Variants in RERE observed in about 807,000 individuals in gnomAD.
RERE encodes the protein arginine-glutamic acid dipeptide repeats protein.
In RERE, 40 loss-of-function variants were observed where a neutral mutation model predicts 146.1. The observed-to-expected ratio is 0.27, with a 90% confidence interval of 0.21 to 0.36. RERE has a LOEUF of 0.36. RERE is among the 10% of genes least tolerant of loss of function. The pLI is 1.00. For missense variants in RERE, 1,933 were observed against 2,138.7 expected (o/e 0.90, Z 1.90); for synonymous variants, 1,003 against 866.0 (o/e 1.16, Z -2.78).
intron 2 of RERE, among the ~76,000 whole-genome samples, chr1:8,642,494 A>C (rs1647193457): frequency 6.6e-6 from 1 of 152,238 alleles, no homozygotes; most frequent in Non-Finnish European, 1.5e-5. Context: ...TTAACTTATA[A>C]GAAGAGTTAA....
intron 1 of RERE, among the ~76,000 whole-genome samples, chr1:8,663,786 C>A (rs1570581408): frequency 1.3e-5 from 2 of 152,282 alleles, no homozygotes; most frequent in African/African-American, 4.8e-5. Flanking sequence ...CCTCACCTCT[C>A]CCCTACTGCT....
At chr1:8,687,032 T>C (rs1017322158) in intron 1 of RERE, among the ~76,000 whole-genome samples, 1 of 152,192 alleles carries the variant, frequency 6.6e-6, no homozygotes, top group Non-Finnish European at 1.5e-5. Context: ...CAGAAAACTC[T>C]TGTTGAGAAG....
intron 8 of RERE, among the ~76,000 whole-genome samples, chr1:8,500,382 A>T (rs1275413318): frequency 1.3e-5 from 2 of 152,260 alleles, no homozygotes; most frequent in Non-Finnish European, 2.9e-5. Flanking sequence ...CTTAATCATA[A>T]GAATTGATGA....
At chr1:8,613,284 A>G (rs760593155) in intron 4 of RERE, among the ~76,000 whole-genome samples, 5 of 152,202 alleles carry the variant, frequency 3.3e-5, no homozygotes, top group Non-Finnish European at 7.3e-5. Flanking sequence ...AAGATCCTCT[A>G]TAATCTAGCC....
chr1:8,763,390 C>T (rs947604116), intron 1 of RERE, among the ~76,000 whole-genome samples: 6 of 151,974 alleles, frequency 3.9e-5, no homozygotes, highest in East Asian at 3.9e-4. Context: ...CCCAGCACTT[C>T]GGGAGACTGA....
intron 1 of RERE, among the ~76,000 whole-genome samples, chr1:8,791,900 G>C (rs1641370909): frequency 6.6e-6 from 1 of 152,126 alleles, no homozygotes; most frequent in South Asian, 2.1e-4. Context: ...TCATCTCCCA[G>C]AATTTATCAT....
intron 12 of RERE, among the ~76,000 whole-genome samples, chr1:8,370,376 G>C (rs1641991464): frequency 6.6e-6 from 1 of 152,124 alleles, no homozygotes; most frequent in African/African-American, 2.4e-5. Context: ...AGCACTCCAG[G>C]GTGATGAAAA....
intron 12 of RERE, among the ~76,000 whole-genome samples, chr1:8,392,646 T>C (rs1237346253): frequency 6.6e-6 from 1 of 152,146 alleles, no homozygotes; most frequent in East Asian, 1.9e-4. Context: ...TAACTCACAC[T>C]AGCAGTAGAG....
chr1:8,810,289 C>T (rs372484273), intron 1 of RERE, among the ~76,000 whole-genome samples: 2 of 152,146 alleles, frequency 1.3e-5, no homozygotes, highest in African/African-American at 2.4e-5. Context: ...CATGAGCCAC[C>T]GCGCCTGGCC....
chr1:8,803,260 G>T (rs766931555), intron 1 of RERE, among the ~76,000 whole-genome samples: 1 of 152,006 alleles, frequency 6.6e-6, no homozygotes, highest in Non-Finnish European at 1.5e-5. Context: ...GGAGGATCAC[G>T]AGATCAAGAC....
At chr1:8,647,164 GTTGT>G (rs1231627963) in intron 2 of RERE, among the ~76,000 whole-genome samples, 1 of 152,144 alleles carries the variant, frequency 6.6e-6, no homozygotes, top group Non-Finnish European at 1.5e-5. Context: ...ACATACCTCT[GTTGT>G]TTAAGCCACT....
chr1:8,360,642 T>C lies in RERE; in HGVS notation c.2865A>G (p.Ser955=), dbSNP rs1570035434. ...GCAGGTTGGCATTCATGGAGAAGGGTGAGGGCCCCGAGAGGTGGGGAGGGT... is the reference window on the plus strand; with the variant it reads ...GCAGGTTGGCATTCATGGAGAAGGGCGAGGGCCCCGAGAGGTGGGGAGGGT... The part of the protein sequence containing the change: ...HKHPPHLSGP[S]PFSMNANLPP... The change falls in exon 18 of 23, where the codon TCA becomes TCG. Residue 955 remains serine, a synonymous_variant. Coordinates refer to ENST00000400908, the MANE Select transcript of RERE (RefSeq NM_001042681.2). The C allele has an allele frequency of 6.8e-7, 1 of 1,473,306 alleles. No homozygotes were observed. Among genetic ancestry groups the C allele is most frequent in the Non-Finnish European group, 8.9e-7 (1 of 1,117,408 alleles). The allele number at this position is 1,473,306 out of a possible 1,614,324, so 91.3% of individuals were successfully genotyped here.
intron 1 of RERE, among the ~76,000 whole-genome samples, chr1:8,744,674 AAC>A (rs1472616747): frequency 6.6e-6 from 1 of 152,232 alleles, no homozygotes; most frequent in Non-Finnish European, 1.5e-5. Context: ...AAAATAAGAA[AAC>A]ACAGAAATAG....
At chr1:8,400,222 A>ATGTGTGTGTG (rs1553161719) in intron 12 of RERE, among the ~76,000 whole-genome samples, 8 of 140,052 alleles carry the variant, frequency 5.7e-5, no homozygotes, top group Non-Finnish European at 9.3e-5. Flanking sequence ...CCTGTGTCAT[A>ATGTGTGTGTG]TGTGTGTGTG....
At chr1:8,688,842 T>C (rs760813575) in intron 1 of RERE, among the ~76,000 whole-genome samples, 3 of 152,350 alleles carry the variant, frequency 2.0e-5, no homozygotes, top group Non-Finnish European at 2.9e-5. Context: ...TGAGCATGTG[T>C]AACATCGGCT....
chr1:8,401,839 T>C (rs1405155458), intron 12 of RERE, among the ~76,000 whole-genome samples: 2 of 151,928 alleles, frequency 1.3e-5, no homozygotes, highest in African/African-American at 4.8e-5. Flanking sequence ...TACAACACAG[T>C]GTAAGTGATG....
chr1:8,437,165 G>A (rs1034340854), intron 11 of RERE, among the ~76,000 whole-genome samples: 72 of 152,218 alleles, frequency 4.7e-4, no homozygotes, highest in African/African-American at 1.5e-3. Flanking sequence ...CCCAAACAAG[G>A]GAAACTGAAG....
Position 8,495,123 on chromosome 1 carries a change from A to G in RERE, c.1044T>C (p.Ser348=). ...AAFAGMCDGG[S]TEDGCVAASR... ...AGGCTGCGACACAGCCGTCCTCTGT[A>G]GAGCCTCCATCACACATTCCTGCAA... Residue 348 remains serine, a synonymous_variant, in exon 10 of 23, where the codon TCT becomes TCC. Transcript: ENST00000400908. 2 of 1,613,940 alleles carry G rather than the reference A, an allele frequency of 1.2e-6. No individual in the cohort carries two copies. The highest frequency in any genetic ancestry group is 1.7e-6 in the Non-Finnish European group (2 of 1,179,828).
chr1:8,449,069 T>C (rs781653890), intron 11 of RERE, among the ~76,000 whole-genome samples: 6 of 152,130 alleles, frequency 3.9e-5, no homozygotes, highest in Non-Finnish European at 8.8e-5. Flanking sequence ...CCCAGGCTGG[T>C]GGAAGATCAG....
Sources: gnomAD v4.1 joint callset for allele counts (sites outside exome capture counted in the v4.1 genomes callset) on GRCh38, gnomAD v4.1.1 for gene constraint, MANE v1.5 for transcripts, NCBI Gene and HGNC (gene_info 2026-07-23, HGNC 2026-07-21) for gene names.